NTN1: variants seen among roughly 807,000 people sequenced by gnomAD.
The protein encoded by NTN1 is netrin 1.
In NTN1, 11 loss-of-function variants were observed where a neutral mutation model predicts 54.2. The observed-to-expected ratio is 0.20, with a 90% confidence interval of 0.13 to 0.34. The LOEUF is 0.34. NTN1 is among the 10% of genes least tolerant of loss of function. The pLI, the probability that NTN1 is intolerant of heterozygous loss-of-function variation, is 1.00. For synonymous variants in NTN1, 371 were observed against 382.0 expected (o/e 0.97, Z 0.33); for missense variants, 740 against 893.1 (o/e 0.83, Z 2.18).
intron 2 of NTN1, among the ~76,000 whole-genome samples, chr17:9,150,592 G>A (rs1012889926): frequency 1.3e-5 from 2 of 152,184 alleles, no homozygotes; most frequent in African/African-American, 4.8e-5. Flanking sequence ...AAGCCTGCTC[G>A]GCATTTCCTC....
intron 2 of NTN1, among the ~76,000 whole-genome samples, chr17:9,130,147 C>T (rs879259907): frequency 4.6e-5 from 7 of 152,160 alleles, no homozygotes; most frequent in Admixed American, 4.6e-4. Context: ...TGTTTTCTAC[C>T]TGTTGACAGC....
intron 6 of NTN1, among the ~76,000 whole-genome samples, chr17:9,229,405 G>T (rs1188987255): frequency 3.1e-5 from 2 of 65,524 alleles, no homozygotes; most frequent in Non-Finnish European, 5.7e-5. Flanking sequence ...CACCTTGTGA[G>T]GGAGGGATTT....
chr17:9,010,713 G>A, the NTN1 span, among the ~76,000 whole-genome samples: 1 of 152,156 alleles, frequency 6.6e-6, no homozygotes, highest in South Asian at 2.1e-4. Flanking sequence ...GAGGCCAGAA[G>A]TCTGAAATTG....
At chr17:9,110,590 A>G (rs6503183) in intron 2 of NTN1, among the ~76,000 whole-genome samples, 71,374 of 151,960 alleles carry the variant, frequency 0.47, 18,184 homozygotes, top group East Asian at 0.94. Context: ...CCTCTTTTCT[A>G]TCTAGGTGTG....
the NTN1 span, among the ~76,000 whole-genome samples, chr17:9,008,007 T>C: frequency 1.3e-5 from 2 of 152,052 alleles, no homozygotes; most frequent in Admixed American, 6.6e-5. Flanking sequence ...CTCCCCAAAG[T>C]ACTGGAATGG....
At chr17:9,066,879 C>T (rs2092016485) in intron 2 of NTN1, among the ~76,000 whole-genome samples, 1 of 150,588 alleles carries the variant, frequency 6.6e-6, no homozygotes, top group Admixed American at 6.6e-5. Context: ...CACATGCCTG[C>T]AATCCCAGCT....
chr17:9,026,380 T>G (rs2091870560), intron 2 of NTN1, among the ~76,000 whole-genome samples: 1 of 129,836 alleles, frequency 7.7e-6, no homozygotes, highest in African/African-American at 3.0e-5. Flanking sequence ...AATGCAGTTT[T>G]GGATTTCTTC....
Position 9,218,117 on chromosome 17 carries a change from A to C in NTN1, c.1412-3051A>C, listed in dbSNP as rs145300673. On this transcript the variant is annotated intron_variant, in intron 5 of 6. Coordinates refer to ENST00000173229, the MANE Select transcript of NTN1 (RefSeq NM_004822.3). ...TTTAGAACCATCTGGGGAACATTAA[A>C]ACTTCAGACACTCCGGCCATTCCCT... Among the ~76,000 whole-genome samples, 391 of 152,256 alleles carry C rather than the reference A, an allele frequency of 2.6e-3. 2 individuals are homozygous for C. The highest frequency in any genetic ancestry group is 8.4e-3 in the African/African-American group (348 of 41,542).
At chr17:9,033,917 C>CAAAAAAA (rs58699789) in intron 2 of NTN1, among the ~76,000 whole-genome samples, 5 of 106,408 alleles carry the variant, frequency 4.7e-5, no homozygotes, top group Non-Finnish European at 7.7e-5. Context: ...AACTCTGTCT[C>CAAAAAAA]AAAAAAAAAA....
chr17:9,179,421 A>G (rs570640319), intron 3 of NTN1, among the ~76,000 whole-genome samples: 56 of 152,312 alleles, frequency 3.7e-4, no homozygotes, highest in Non-Finnish European at 6.6e-4. Context: ...GTGAAAACGC[A>G]TAAGCCGACC....
chr17:9,229,845 T>C (rs1905745427), intron 6 of NTN1, among the ~76,000 whole-genome samples: 1 of 152,008 alleles, frequency 6.6e-6, no homozygotes, highest in Admixed American at 6.5e-5. Flanking sequence ...GAGGCAGGCA[T>C]AGAGAAGAGG....
At chr17:9,217,552 C>T (rs768820259) in intron 5 of NTN1, among the ~76,000 whole-genome samples, 36 of 152,088 alleles carry the variant, frequency 2.4e-4, no homozygotes, top group African/African-American at 6.0e-4. Context: ...AGAGAACATA[C>T]GGTAACATTT....
intron 5 of NTN1, among the ~76,000 whole-genome samples, chr17:9,195,091 C>G (rs1395340387): frequency 6.6e-6 from 1 of 152,090 alleles, no homozygotes; most frequent in East Asian, 1.9e-4. Context: ...CTGGCCTCTT[C>G]CCCACCCCCT....
At chr17:9,188,141 A>G (rs922408873) in intron 5 of NTN1, among the ~76,000 whole-genome samples, 1 of 152,164 alleles carries the variant, frequency 6.6e-6, no homozygotes, top group African/African-American at 2.4e-5. Context: ...TAAAAATGCT[A>G]AATCTGGCTG....
In NTN1 at chr17:9,119,257, G is replaced by A. The variant is rs370321832; in HGVS notation, c.1019-43556G>A. On this transcript the variant is annotated intron_variant, in intron 2 of 6. Transcript: ENST00000173229. ...GGCTGGAGTGCAATGGTGCGATCTC[G>A]GCTCACTGCAACCTCTGCCTCCCGG... 1.1e-4 allele frequency among the ~76,000 whole-genome samples: 17 copies of A among 152,056 alleles called. No individual in the cohort carries two copies. In the East Asian group the frequency reaches 1.4e-3, roughly 12 times the overall value.
Position 9,048,766 on chromosome 17 carries a change from C to T in NTN1, c.1018+25375C>T, listed in dbSNP as rs1036867686. On this transcript the variant is annotated intron_variant, in intron 2 of 6. Coordinates refer to ENST00000173229, the MANE Select transcript of NTN1 (RefSeq NM_004822.3). Reference sequence around the variant, plus strand: ...CTGTCTCCCGGGTTCAAGCAATTCTCCTGCCTCAGCCTTCCAAGTAGCTGA... The same window carrying T: ...CTGTCTCCCGGGTTCAAGCAATTCTTCTGCCTCAGCCTTCCAAGTAGCTGA... Among the ~76,000 whole-genome samples, 10 of 152,138 alleles carry T rather than the reference C, an allele frequency of 6.6e-5. 1 individual carries two copies. Among genetic ancestry groups the T allele is most frequent in the Admixed American group, 4.6e-4 (7 of 15,278 alleles).
At position 9,239,590 on chromosome 17, in the gene NTN1, C is replaced by A; in HGVS notation, c.1487-50C>A. 6.4e-7 allele frequency: 1 copy of A among 1,572,710 alleles called. No individual in the cohort carries two copies. Among genetic ancestry groups the A allele is most frequent in the Non-Finnish European group, 8.7e-7 (1 of 1,150,544 alleles). ...TCTCCCCAGGCTCAGGCAGGGCGGA[C>A]CTAGCCACAGCAGCTGGGAGCCCAC... On this transcript the variant is annotated intron_variant, in intron 6 of 6. Transcript: ENST00000173229. This position sits in a 1 kb window ranked among gnomAD's most constrained non-coding sequence, Gnocchi z 5.2.
chr17:9,201,092 A>G (rs1567736839), intron 5 of NTN1, among the ~76,000 whole-genome samples: 1 of 152,212 alleles, frequency 6.6e-6, no homozygotes, highest in East Asian at 1.9e-4. Context: ...GAGTTCCTCT[A>G]GCAAAAACTC....
rs528936608 is a variant in NTN1, at chr17:9,221,155, C to G, written c.1412-13C>G. 2.8e-4 allele frequency: 437 copies of G among 1,551,156 alleles called. No individual in the cohort carries two copies. Among genetic ancestry groups the G allele is most frequent in the Middle Eastern group, 1.2e-3 (7 of 5,936 alleles). On this transcript the variant is annotated splice_polypyrimidine_tract_variant and intron_variant, in intron 5 of 6. Transcript: ENST00000173229. The surrounding 1 kb of genome is among the most constrained non-coding windows in gnomAD (Gnocchi z 4.5). The stretch of plus-strand genomic sequence containing the variant: ...TTAGTTTTTGTCTGTGCTCCCCCCC[C>G]ACCCCCCTGCAGACTGCGATTCCTA...
Sources: allele counts gnomAD v4.1 joint callset (sites outside exome capture counted in the v4.1 genomes callset), GRCh38; gene constraint gnomAD v4.1.1; non-coding constraint Gnocchi (gnomAD v3.1); transcripts MANE v1.5; gene names NCBI Gene and HGNC (gene_info 2026-07-23, HGNC 2026-07-21).